ABCC1: variants seen among roughly 807,000 people sequenced by gnomAD.
The protein encoded by ABCC1 is multidrug resistance-associated protein 1.
Under a neutral mutation model 172.9 loss-of-function variants are expected in ABCC1, and 83 were observed. That is an observed-to-expected ratio of 0.48 (90% confidence interval 0.40 to 0.58). ABCC1 has a LOEUF of 0.58. Among genes scored for constraint, ABCC1 ranks in the 20% least tolerant of loss-of-function variants. The pLI is 0.00. For missense variants in ABCC1, 1,817 were observed against 2,002.7 expected, an observed-to-expected ratio of 0.91 and a Z score of 1.77; for synonymous variants, 937 against 825.2, an observed-to-expected ratio of 1.14 and a Z score of -2.32.
At position 15,973,925 on chromosome 16, in the gene ABCC1, C is replaced by T. The variant is rs9938526; in HGVS notation, c.48+24126C>T. ...ACCTGGGCCTGGGAGGTTGAGGCTGCGGTGAGCCACGATTGCACCACCGTA... is the reference window on the plus strand; with the variant it reads ...ACCTGGGCCTGGGAGGTTGAGGCTGTGGTGAGCCACGATTGCACCACCGTA... On this transcript the variant is annotated intron_variant, in intron 1 of 30. Transcript: ENST00000399410. 6.8e-3 allele frequency among the ~76,000 whole-genome samples: 1,030 copies of T among 152,060 alleles called. 17 individuals carry two copies. Among genetic ancestry groups the T allele is most frequent in the African/African-American group, 0.023 (972 of 41,466 alleles).
intron 12 of ABCC1, 136 bp from the exon 13 acceptor site, chr16:16,068,020 T>C: frequency 2.1e-6 from 2 of 953,276 alleles, no homozygotes; most frequent in Non-Finnish European, 3.2e-6. Flanking sequence ...CCCCAGGTTT[T>C]TCCACGAGCT....
In ABCC1 at chr16:16,052,777, C is replaced by T. The variant is rs753186082; in HGVS notation, c.1434C>T (p.Pro478=). 82 of 1,613,930 alleles carry T rather than the reference C, an allele frequency of 5.1e-5. No individual in the cohort carries two copies. Among genetic ancestry groups the T allele is most frequent in the East Asian group, 6.7e-5 (3 of 44,888 alleles). ...AGVAVMVLMV[P]VNAVMAMKTK... is the part of the protein sequence containing the mutation. The stretch of plus-strand genomic sequence containing the variant: ...TGGCGGTGATGGTCCTCATGGTGCC[C>T]GTCAATGCTGTGATGGCGATGAAGA... The change falls in exon 11 of 31, where the codon CCC becomes CCT. Residue 478 remains proline, a synonymous_variant. Transcript: ENST00000399410.
chr16:15,980,923 G>T (rs28852806), intron 1 of ABCC1, among the ~76,000 whole-genome samples: 3,562 of 152,294 alleles, frequency 0.023, 158 homozygotes, highest in African/African-American at 0.081. Flanking sequence ...AGATACAATA[G>T]GAGTACAAGC....
intron 20 of ABCC1, among the ~76,000 whole-genome samples, chr16:16,103,610 G>C (rs2051886288): frequency 6.6e-6 from 1 of 151,872 alleles, no homozygotes; most frequent in Non-Finnish European, 1.5e-5. Context: ...AACAGCAGCA[G>C]CAGCAGAAAA....
chr16:15,951,350 A>C (rs111936744), intron 1 of ABCC1, among the ~76,000 whole-genome samples: 5 of 152,286 alleles, frequency 3.3e-5, no homozygotes, highest in African/African-American at 1.2e-4. Flanking sequence ...CGCTTTGTTT[A>C]TCTTAAGAAA....
rs769329662 is a variant in ABCC1 at position 16,142,935 on chromosome 16, T to G, written c.*1654T>G. Reference sequence around the variant, plus strand: ...TCTTTTAGGCGAAAACGCATATATTTATTTTTTGTAAGTTATACCATTCTT... The same window carrying G: ...TCTTTTAGGCGAAAACGCATATATTGATTTTTTGTAAGTTATACCATTCTT... On this transcript the variant is annotated 3_prime_UTR_variant, in exon 31 of 31. Transcript: ENST00000399410. 8 of 152,636 alleles carry G rather than the reference T, an allele frequency of 5.2e-5. No homozygotes were observed. Among genetic ancestry groups the G allele is most frequent in the African/African-American group, 1.7e-4 (7 of 41,444 alleles). The allele number at this position is 152,636 out of a possible 1,614,324, so 9.5% of individuals were successfully genotyped here.
chr16:16,024,465 C>T (rs867030443), intron 5 of ABCC1, among the ~76,000 whole-genome samples: 1 of 152,314 alleles, frequency 6.6e-6, no homozygotes, highest in Middle Eastern at 3.4e-3. Flanking sequence ...GATCCTCCCA[C>T]CTCAGCCTCG....
intron 1 of ABCC1, among the ~76,000 whole-genome samples, chr16:15,979,213 C>G (rs1454649896): frequency 1.3e-5 from 2 of 152,116 alleles, no homozygotes; most frequent in South Asian, 4.1e-4. Flanking sequence ...ATCACTTTAA[C>G]CTGGGAGGCG....
chr16:15,973,906 G>C (rs1430029387), intron 1 of ABCC1, among the ~76,000 whole-genome samples: 1 of 152,066 alleles, frequency 6.6e-6, no homozygotes, highest in Admixed American at 6.6e-5. Flanking sequence ...GATCACCTGG[G>C]CCTGGGAGGT....
At chr16:16,132,510 G>GTTTTTT (rs71137915) in intron 27 of ABCC1, among the ~76,000 whole-genome samples, 565 of 37,120 alleles carry the variant, frequency 0.015, 56 homozygotes, top group Admixed American at 0.024. Context: ...TTGGTTGGTT[G>GTTTTTT]TTTTTTTTTT....
At chr16:16,011,656 T>A (rs1025771332) in intron 3 of ABCC1, among the ~76,000 whole-genome samples, 3 of 151,960 alleles carry the variant, frequency 2.0e-5, no homozygotes, top group African/African-American at 4.8e-5. Context: ...TACATTTATT[T>A]TTTATTTATT....
chr16:15,994,335 TC>T (rs1188971153), intron 1 of ABCC1, among the ~76,000 whole-genome samples: 2 of 152,164 alleles, frequency 1.3e-5, no homozygotes, highest in Non-Finnish European at 2.9e-5. Context: ...TGGCCCTGTT[TC>T]TTCTAGGTTG....
At chr16:16,080,923 C>T (rs1421195730) in intron 16 of ABCC1, among the ~76,000 whole-genome samples, 7 of 151,978 alleles carry the variant, frequency 4.6e-5, no homozygotes, top group Non-Finnish European at 1.0e-4. Context: ...GGAGTGCAGT[C>T]GTGTGATCTT....
At position 16,106,232 on chromosome 16, in the gene ABCC1, A is replaced by C. The variant is rs940029660; in HGVS notation, c.2736-506A>C. On this transcript the variant is annotated intron_variant, in intron 20 of 30. Transcript: ENST00000399410. Reference sequence around the variant, plus strand: ...TGAAGGAGCAGTCAGGCAAGATCCCACCCCAGTGCCCACCACATTTGTAAA... The same window carrying C: ...TGAAGGAGCAGTCAGGCAAGATCCCCCCCCAGTGCCCACCACATTTGTAAA... Among the ~76,000 whole-genome samples the C allele has an allele frequency of 2.6e-4, 40 of 152,088 alleles. 2 individuals carry two copies. In the South Asian group the frequency reaches 5.6e-3, roughly 21 times the overall value.
chr16:15,967,474 GT>G (rs1020654064), intron 1 of ABCC1, among the ~76,000 whole-genome samples: 6 of 151,882 alleles, frequency 4.0e-5, no homozygotes, highest in Non-Finnish European at 8.8e-5. Flanking sequence ...ACTGGGCACT[GT>G]TGCTGTCGTC....
chr16:16,017,943 A>G (rs537929356), intron 5 of ABCC1, among the ~76,000 whole-genome samples: 9 of 152,294 alleles, frequency 5.9e-5, no homozygotes, highest in South Asian at 4.1e-4. Flanking sequence ...AAGAAAAGCC[A>G]GCACAGCAGG....
chr16:16,071,299 T>C (rs2050340327), intron 13 of ABCC1, among the ~76,000 whole-genome samples: 1 of 150,912 alleles, frequency 6.6e-6, no homozygotes, highest in African/African-American at 2.4e-5. Flanking sequence ...GGTTTCACCA[T>C]GTTGGCCAGG....
chr16:16,125,768 C>T lies in ABCC1; in HGVS notation c.3718-42C>T, dbSNP rs1262682033. ...AAAAGAAAAAGGAAAGTCAAGTACG[C>T]CCGCTTACTCTAGAAATGCCACGTG... On this transcript the variant is annotated intron_variant, in intron 25 of 30. Transcript: ENST00000399410. The T allele has an allele frequency of 3.6e-6, 5 of 1,389,296 alleles. No individual in the cohort carries two copies. The African/African-American group carries it at 4.3e-5, about 12-fold the overall frequency. 86.1% of individuals were successfully genotyped at this position (1,389,296 alleles called of 1,614,324 possible). A position where few individuals can be genotyped will look rare whatever the true frequency, so the allele number is the denominator to read the frequency against.
rs527554979 is a variant in ABCC1, at chr16:15,967,716, C to T, written c.48+17917C>T. On this transcript the variant is annotated intron_variant, in intron 1 of 30. Transcript: ENST00000399410. Reference sequence around the variant, plus strand: ...GTTGAGCTGCAGTGAGCTATGATTGCACCACTGCACTCCAGCCTGGACAAC... The same window carrying T: ...GTTGAGCTGCAGTGAGCTATGATTGTACCACTGCACTCCAGCCTGGACAAC... Among the ~76,000 whole-genome samples the T allele has an allele frequency of 1.1e-4, 16 of 148,702 alleles. No individual in the cohort carries two copies. In the South Asian group the frequency reaches 3.0e-3, roughly 28 times the overall value.
Sources: allele counts gnomAD v4.1 joint callset (sites outside exome capture counted in the v4.1 genomes callset), GRCh38; gene constraint gnomAD v4.1.1; transcripts MANE v1.5; gene names NCBI Gene and HGNC (gene_info 2026-07-23, HGNC 2026-07-21).